CHRNB1: variants seen among roughly 807,000 people sequenced by gnomAD.
The protein encoded by CHRNB1 is cholinergic receptor nicotinic beta 1 subunit, also known as acetylcholine receptor subunit beta.
CHRNB1 carries 47 observed loss-of-function variants against 53.8 expected under a neutral mutation model. The ratio of observed to expected loss-of-function variants is 0.87; its 90% CI spans 0.69 to 1.11. The LOEUF (loss-of-function observed/expected upper bound fraction) is 1.11, where lower values mean the gene tolerates loss of function less well. Ranked by LOEUF, CHRNB1 falls within the 50% of genes most tolerant of loss-of-function variation. The pLI is 0.00. For missense variants in CHRNB1, 605 were observed against 654.9 expected, an observed-to-expected ratio of 0.92 and a Z score of 0.83; for synonymous variants, 259 against 263.5, an observed-to-expected ratio of 0.98 and a Z score of 0.16.
chr17:7,454,779 C>T (rs1175809527), intron 8 of CHRNB1, among the ~76,000 whole-genome samples: 1 of 149,468 alleles, frequency 6.7e-6, no homozygotes, highest in African/African-American at 2.5e-5. Context: ...GGATACCTCC[C>T]AACCCACTAA....
chr17:7,450,175 G>T (rs1295817455), intron 7 of CHRNB1, among the ~76,000 whole-genome samples: 17 of 140,230 alleles, frequency 1.2e-4, no homozygotes, highest in African/African-American at 3.7e-4. Context: ...ACAGAGTTTT[G>T]CCCCGTTGCC....
At chr17:7,454,275 C>T (rs1485404410) in intron 7 of CHRNB1, 22 bp from the exon 8 acceptor site, 7 of 1,589,462 alleles carry the variant, frequency 4.4e-6, no homozygotes, top group Admixed American at 1.7e-5. Context: ...TAATCCTTCT[C>T]TCTTCCCCTC....
intron 8 of CHRNB1, among the ~76,000 whole-genome samples, chr17:7,454,959 C>T (rs1384147049): frequency 6.6e-6 from 1 of 151,946 alleles, no homozygotes; most frequent in East Asian, 1.9e-4. Flanking sequence ...CCCGCCACCA[C>T]GCCCAGCTAA....
In CHRNB1 at chr17:7,445,568, G is replaced by A; in HGVS notation, c.198+159G>A. 6.7e-7 allele frequency: 1 copy of A among 1,494,404 alleles called. No homozygotes were observed. Among genetic ancestry groups the A allele is most frequent in the South Asian group, 1.3e-5 (1 of 76,598 alleles). The allele number at this position is 1,494,404 out of a possible 1,614,324, so 92.6% of individuals were successfully genotyped here. On this transcript the variant is annotated intron_variant, in intron 2 of 10. Transcript: ENST00000306071. The surrounding 1 kb of genome is among the most constrained non-coding windows in gnomAD (Gnocchi z 5.7). Reference sequence around the variant, plus strand: ...AAGATTGGATCGAAATCAGACCAATGGACAAGCTCTGGCCGTGGGTGGTGG... The same window carrying A: ...AAGATTGGATCGAAATCAGACCAATAGACAAGCTCTGGCCGTGGGTGGTGG...
In CHRNB1 at chr17:7,455,941, G is replaced by A. The variant is rs764782697; in HGVS notation, c.1365G>A (p.Ala455=). Residue 455 remains alanine, a splice_region_variant and synonymous_variant, in exon 10 of 11, where the codon GCG becomes GCA. Transcript: ENST00000306071. Reference sequence around the variant, plus strand: ...TGCAGGAACAGGAGGACCACGATGCGGTATGTCCAACGGGGGTGGAACAAG... The same window carrying A: ...TGCAGGAACAGGAGGACCACGATGCAGTATGTCCAACGGGGGTGGAACAAG... The part of the protein sequence containing the change: ...RQLQEQEDHD[A]LKEDWQFVAM... 1.9e-6 allele frequency: 3 copies of A among 1,614,094 alleles called. No individual in the cohort carries two copies. The highest frequency in any genetic ancestry group is 2.5e-6 in the Non-Finnish European group (3 of 1,180,010).
rs1188908830 is a variant in CHRNB1 at position 7,445,199 on chromosome 17, C to T, written c.58+14C>T. On this transcript the variant is annotated intron_variant, in intron 1 of 10. Transcript: ENST00000306071. This position sits in a 1 kb window ranked among gnomAD's most constrained non-coding sequence, Gnocchi z 5.7. Reference sequence around the variant, plus strand: ...CGCTCGCCCCAGGTAAGTGTAGGCCCCGAAGGGGCAGTGACGGGGCCAGCG... The same window carrying T: ...CGCTCGCCCCAGGTAAGTGTAGGCCTCGAAGGGGCAGTGACGGGGCCAGCG... 2 of 1,611,050 alleles carry T rather than the reference C, an allele frequency of 1.2e-6. No individual in the cohort carries two copies. Among genetic ancestry groups the T allele is most frequent in the Non-Finnish European group, 1.7e-6 (2 of 1,179,524 alleles).
intron 5 of CHRNB1, 60 bp downstream of exon 5, chr17:7,447,211 C>A: frequency 1.4e-6 from 2 of 1,410,278 alleles, no homozygotes; most frequent in Non-Finnish European, 2.0e-6. Context: ...TTTCCTTAGA[C>A]ATCCTGACTC....
At position 7,455,277 on chromosome 17, in the gene CHRNB1, T is replaced by C; in HGVS notation, c.1045-7T>C. The C allele has an allele frequency of 6.2e-7, 1 of 1,614,020 alleles. No homozygotes were observed. Among genetic ancestry groups the C allele is most frequent in the Admixed American group, 1.7e-5 (1 of 60,000 alleles). On this transcript the variant is annotated splice_polypyrimidine_tract_variant and splice_region_variant and intron_variant, in intron 8 of 10. Coordinates refer to ENST00000306071, the MANE Select transcript of CHRNB1 (RefSeq NM_000747.3). ...GCCCCCACCAATACGCCTCTTCTACTCTGCAGATCTTCATTCACAAACTTC... is the reference window on the plus strand; with the variant it reads ...GCCCCCACCAATACGCCTCTTCTACCCTGCAGATCTTCATTCACAAACTTC...
intron 7 of CHRNB1, among the ~76,000 whole-genome samples, chr17:7,453,605 T>TA (rs1908965961): frequency 7.8e-6 from 1 of 128,176 alleles, no homozygotes; most frequent in Non-Finnish European, 1.8e-5. Context: ...TTTTTTTTTT[T>TA]ATGATGGAGT....
Position 7,447,505 on chromosome 17 carries a change from C to T in CHRNB1, c.465C>T (p.Val155=). The T allele has an allele frequency of 6.2e-7, 1 of 1,614,174 alleles. No individual in the cohort carries two copies. Among genetic ancestry groups the T allele is most frequent in the South Asian group, 1.1e-5 (1 of 91,074 alleles). The stretch of plus-strand genomic sequence containing the variant: ...TAGTGACTCTCTCCTCCATCCAGGT[C>T]ACCTACTTCCCCTTCGACTGGCAGA... ...GIYRSSCSIQ[V]TYFPFDWQNC... is the part of the protein sequence containing the mutation. Residue 155 remains valine (V), a splice_region_variant and synonymous_variant, in exon 6 of 11, where the codon GTC becomes GTT. Coordinates refer to ENST00000306071, the MANE Select transcript of CHRNB1 (RefSeq NM_000747.3).
intron 7 of CHRNB1, among the ~76,000 whole-genome samples, chr17:7,450,785 C>T (rs1212075410): frequency 1.3e-5 from 2 of 152,172 alleles, no homozygotes; most frequent in African/African-American, 4.8e-5. Context: ...TAGAGAGGGG[C>T]AGTGTTGCAA....
In CHRNB1 at chr17:7,448,915, G is replaced by A. The variant is rs1908774384; in HGVS notation, c.820+127G>A. The A allele has an allele frequency of 3.1e-6, 3 of 983,114 alleles. No individual in the cohort carries two copies. The East Asian group carries it at 7.6e-5, about 25-fold the overall frequency. 60.9% of individuals were successfully genotyped at this position (983,114 alleles called of 1,614,324 possible). A position where few individuals can be genotyped will look rare whatever the true frequency, so the allele number is the denominator to read the frequency against. On this transcript the variant is annotated intron_variant, in intron 7 of 10. Transcript: ENST00000306071. ...GATTGGGCTTCAGCAATCCCGCCCAGGCTCTGCCTCCCGTTGACTGCCACC... is the reference window on the plus strand; with the variant it reads ...GATTGGGCTTCAGCAATCCCGCCCAAGCTCTGCCTCCCGTTGACTGCCACC...
At chr17:7,449,744 A>G (rs1047871756) in intron 7 of CHRNB1, among the ~76,000 whole-genome samples, 1 of 151,724 alleles carries the variant, frequency 6.6e-6, no homozygotes, top group Admixed American at 6.6e-5. Flanking sequence ...CTCCCTGGGA[A>G]ATATATAATA....
Position 7,446,077 on chromosome 17 carries a change from G to C in CHRNB1, c.207G>C (p.Lys69Asn). 1 of 1,614,062 alleles carries C rather than the reference G, an allele frequency of 6.2e-7. No individual in the cohort carries two copies. The highest frequency in any genetic ancestry group is 8.5e-7 in the Non-Finnish European group (1 of 1,179,968). The change falls in exon 3 of 11, where the codon AAG (lysine) becomes AAC (asparagine). Residue 69 changes from lysine (K) to asparagine (N), a missense_variant. By Grantham distance (94) the Lys-to-Asn change is moderately conservative. Transcript: ENST00000306071. Reference protein sequence around the residue: ...ILAQLISLNEKDEEMSTKVYL... With the variant: ...ILAQLISLNENDEEMSTKVYL... ...AAATTTTTCCCTTCTAGAACGAGAA[G>C]GATGAAGAGATGAGCACAAAGGTGT...
At chr17:7,450,096 C>T (rs1257069042) in intron 7 of CHRNB1, among the ~76,000 whole-genome samples, 1 of 149,272 alleles carries the variant, frequency 6.7e-6, no homozygotes, top group Non-Finnish European at 1.5e-5. Flanking sequence ...TAATAGTCAA[C>T]ATATCTTTAG....
chr17:7,455,844 C>A lies in CHRNB1; in HGVS notation c.1268C>A (p.Pro423Gln), dbSNP rs138920330. 7.4e-5 allele frequency: 119 copies of A among 1,613,992 alleles called. No individual in the cohort carries two copies. In the African/African-American group the frequency reaches 1.3e-3, roughly 18 times the overall value. Residue 423 changes from proline (P) to glutamine (Q), a missense_variant, in exon 10 of 11, where the codon CCA becomes CAA. Pro to Gln is a moderately conservative substitution (Grantham distance 76). Transcript: ENST00000306071. ...APDLRRFIDGPNRAVALLPEL... is the reference protein window; with the variant it reads ...APDLRRFIDGQNRAVALLPEL... ...GATCTGCGGCGATTTATCGATGGTC[C>A]AAACCGGGCTGTGGCCCTGCTTCCG... is the stretch of plus-strand genomic sequence containing the variant.
intron 4 of CHRNB1, 36 bp downstream of exon 4, chr17:7,446,978 G>A (rs772591945): frequency 1.2e-6 from 2 of 1,606,792 alleles, no homozygotes; most frequent in Admixed American, 1.7e-5. Flanking sequence ...GGTGGCGCGG[G>A]GCCTCGGGGG....
intron 7 of CHRNB1, among the ~76,000 whole-genome samples, chr17:7,451,274 C>CTTT (rs34769424): frequency 4.4e-3 from 405 of 91,874 alleles, no homozygotes; most frequent in African/African-American, 7.7e-3. Context: ...CTTTTCTTTT[C>CTTT]TTTTTTTTTT....
chr17:7,454,448 C>T lies in CHRNB1; in HGVS notation c.972C>T (p.Ile324=), dbSNP rs781190969. ...TGGTCCTCGTCACCTTCTCAGTCAT[C>T]CTTAGTGTCGTGGTTCTCAACCTGC... ...FTMVLVTFSV[I]LSVVVLNLHH... The change falls in exon 8 of 11, where the codon ATC becomes ATT. Residue 324 remains isoleucine, a synonymous_variant. Coordinates refer to ENST00000306071, the MANE Select transcript of CHRNB1 (RefSeq NM_000747.3). The T allele has an allele frequency of 1.2e-6, 2 of 1,614,132 alleles. No homozygotes were observed. Among genetic ancestry groups the T allele is most frequent in the Non-Finnish European group, 1.7e-6 (2 of 1,180,018 alleles).
Sources: gnomAD v4.1 joint callset for allele counts (sites outside exome capture counted in the v4.1 genomes callset) on GRCh38, gnomAD v4.1.1 for gene constraint, Gnocchi (gnomAD v3.1) non-coding constraint, MANE v1.5 for transcripts, NCBI Gene and HGNC (gene_info 2026-07-23, HGNC 2026-07-21) for gene names.